Variants in PDS5A observed in about 807,000 individuals in gnomAD.
The protein encoded by PDS5A is PDS5 cohesin associated factor A.
PDS5A carries 42 observed loss-of-function variants against 167.1 expected under a neutral mutation model. The ratio of observed to expected loss-of-function variants is 0.25; its 90% CI spans 0.20 to 0.33. PDS5A has a LOEUF of 0.33. Ranked by LOEUF, PDS5A falls within the 10% of genes least tolerant of loss-of-function variation. The pLI is 1.00. For missense variants in PDS5A, 1,033 were observed against 1,605.9 expected, an observed-to-expected ratio of 0.64 and a Z score of 6.10; for synonymous variants, 553 against 554.6, an observed-to-expected ratio of 1.00 and a Z score of 0.04.
At position 39,831,184 on chromosome 4, in the gene PDS5A, G is replaced by A. The variant is rs118041088; in HGVS notation, c.4011-5696C>T. ...GTTCACTGCAACCTCCGCCTCCCAAGTTCAATTGCCTCCTGGCAATTCTTC... is the reference window on the plus strand; with the variant it reads ...GTTCACTGCAACCTCCGCCTCCCAAATTCAATTGCCTCCTGGCAATTCTTC... On this transcript the variant is annotated intron_variant, in intron 32 of 32. Transcript: ENST00000303538. Among the ~76,000 whole-genome samples, 457 of 152,048 alleles carry A rather than the reference G, an allele frequency of 3.0e-3. 24 individuals are homozygous for A. In the East Asian group the frequency reaches 0.079, roughly 26 times the overall value.
intron 16 of PDS5A, among the ~76,000 whole-genome samples, chr4:39,890,717 AATGAT>A (rs1721885193): frequency 2.0e-5 from 3 of 152,134 alleles, no homozygotes; most frequent in Admixed American, 1.3e-4. Context: ...CCTGGGTTCA[AATGAT>A]TCTCCTGCCT....
rs769424697 is a variant in PDS5A, at chr4:39,837,898, G to C, written c.3968C>G (p.Ala1323Gly). Residue 1323 changes from alanine to glycine, a missense_variant, in exon 32 of 33, where the codon GCC becomes GGC. By Grantham distance (60) the Ala-to-Gly change is moderately conservative (BLOSUM62 0). Coordinates refer to ENST00000303538, the MANE Select transcript of PDS5A (RefSeq NM_001100399.2). ...NAKAPKLQDL[A>G]KKAAPAERQI... Reference sequence around the variant, plus strand: ...TCTTTCTGCTGGTGCTGCCTTTTTGGCTAAATCTTGCAGTTTGGGTGCTTT... The same window carrying C: ...TCTTTCTGCTGGTGCTGCCTTTTTGCCTAAATCTTGCAGTTTGGGTGCTTT... 1 of 1,611,490 alleles carries C rather than the reference G, an allele frequency of 6.2e-7. No individual in the cohort carries two copies. The highest frequency in any genetic ancestry group is 1.1e-5 in the South Asian group (1 of 90,410).
intron 2 of PDS5A, among the ~76,000 whole-genome samples, chr4:39,965,324 C>T (rs1309677569): frequency 2.6e-5 from 4 of 152,160 alleles, no homozygotes; most frequent in Non-Finnish European, 4.4e-5. Flanking sequence ...AGGTATCAAG[C>T]GTTTAAGTAA....
rs1723779057 is a variant in PDS5A at position 39,910,291 on chromosome 4, G to A, written c.1040C>T (p.Ala347Val). Reference sequence around the variant, plus strand: ...TGGGTGATTCATTAAACAATGACTGGCAAATTTCACACTTTCTAATCTCAC... The same window carrying A: ...TGGGTGATTCATTAAACAATGACTGACAAATTTCACACTTTCTAATCTCAC... ...VPVRLESVKF[A>V]SHCLMNHPDL... The change falls in exon 10 of 33, where the codon GCC (alanine) becomes GTC (valine). Residue 347 changes from alanine (A) to valine (V), a missense_variant. Around this residue, in one of 4 missense-constraint regions of PDS5A, gnomAD observed 388 missense variants for 615.1 expected, o/e 0.63. Transcript: ENST00000303538. 1 of 1,589,120 alleles carries A rather than the reference G, an allele frequency of 6.3e-7. No individual in the cohort carries two copies. Among genetic ancestry groups the A allele is most frequent in the Non-Finnish European group, 8.6e-7 (1 of 1,161,674 alleles).
intron 32 of PDS5A, among the ~76,000 whole-genome samples, chr4:39,830,616 G>A (rs1474943650): frequency 6.6e-6 from 1 of 152,022 alleles, no homozygotes; most frequent in African/African-American, 2.4e-5. Context: ...GTAGAGATAG[G>A]GTTTCACCAT....
chr4:39,848,745 TC>T, intron 28 of PDS5A, 105 bp downstream of exon 28: 1 of 997,708 alleles, frequency 1.0e-6, no homozygotes, highest in Non-Finnish European at 1.5e-6. Flanking sequence ...CCAGATTTTT[TC>T]TTTACTCTGT....
intron 26 of PDS5A, among the ~76,000 whole-genome samples, chr4:39,855,067 A>AT (rs1283693758): frequency 2.0e-5 from 3 of 152,176 alleles, no homozygotes; most frequent in Non-Finnish European, 2.9e-5. Context: ...GAAATTTCAG[A>AT]TATCAATTGC....
chr4:39,849,706 G>C, intron 26 of PDS5A, 54 bp from the exon 27 acceptor site: 1 of 1,259,378 alleles, frequency 7.9e-7, no homozygotes, highest in Non-Finnish European at 1.1e-6. Flanking sequence ...TTAGCTTAAA[G>C]CAATAAATAT....
chr4:39,974,946 A>G (rs1730938689), intron 2 of PDS5A, among the ~76,000 whole-genome samples: 1 of 151,940 alleles, frequency 6.6e-6, no homozygotes, highest in East Asian at 1.9e-4. Flanking sequence ...TCCCATCTCT[A>G]CTAAAAATAC....
chr4:39,976,312 C>T, intron 2 of PDS5A, 128 bp downstream of exon 2: 1 of 632,986 alleles, frequency 1.6e-6, no homozygotes, highest in South Asian at 2.5e-5. Flanking sequence ...TGAGATACAA[C>T]AGTACCTTTC....
At chr4:39,951,151 C>A (rs188922452) in intron 2 of PDS5A, among the ~76,000 whole-genome samples, 1 of 152,240 alleles carries the variant, frequency 6.6e-6, no homozygotes, top group African/African-American at 2.4e-5. Context: ...CCTCAATCTC[C>A]CAAAGTGCTA....
chr4:39,882,214 G>C (rs1034821463), intron 17 of PDS5A, among the ~76,000 whole-genome samples: 2 of 152,126 alleles, frequency 1.3e-5, no homozygotes, highest in African/African-American at 4.8e-5. Context: ...AATACTAACT[G>C]TCCTTTCTTG....
In PDS5A at chr4:39,867,765, CA is replaced by C. The variant is rs1560439950; in HGVS notation, c.2506-769del. On this transcript the variant is annotated intron_variant, in intron 22 of 32. Transcript: ENST00000303538. ...ACACACACACACACACACACACACA[CA>C]CACACACACCCCACAACTGTACTGA... is the stretch of plus-strand genomic sequence containing the variant. 6.3e-3 allele frequency among the ~76,000 whole-genome samples: 944 copies of C among 149,826 alleles called. 7 individuals are homozygous for C. Among genetic ancestry groups the C allele is most frequent in the African/African-American group, 0.017 (689 of 40,506 alleles).
At chr4:39,898,033 A>G (rs537857377) in intron 16 of PDS5A, 164 of 977,680 alleles carry the variant, frequency 1.7e-4, no homozygotes, top group Non-Finnish European at 1.9e-4. Context: ...TACTACTACT[A>G]ATTTATTGAC....
At chr4:39,892,225 G>A (rs983492951) in intron 16 of PDS5A, among the ~76,000 whole-genome samples, 5 of 152,180 alleles carry the variant, frequency 3.3e-5, no homozygotes, top group African/African-American at 1.2e-4. Flanking sequence ...GATCGTTTGA[G>A]GTCAGGAGTT....
chr4:39,961,375 T>C (rs777338031), intron 2 of PDS5A, among the ~76,000 whole-genome samples: 4 of 152,150 alleles, frequency 2.6e-5, no homozygotes, highest in Non-Finnish European at 5.9e-5. Context: ...CTCGGCTCAC[T>C]GTCTCAGCCT....
At chr4:39,836,755 G>C (rs1307465230) in intron 32 of PDS5A, among the ~76,000 whole-genome samples, 2 of 144,574 alleles carry the variant, frequency 1.4e-5, no homozygotes, top group Non-Finnish European at 3.0e-5. Context: ...AGAGTCACTG[G>C]GCCCAGCTCA....
At chr4:39,949,828 A>AAAAAAAAAG (rs1470552058) in intron 2 of PDS5A, among the ~76,000 whole-genome samples, 2 of 150,570 alleles carry the variant, frequency 1.3e-5, no homozygotes, top group East Asian at 3.9e-4. Context: ...TCAGAAAAAA[A>AAAAAAAAAG]AAAAAAAGAA....
intron 9 of PDS5A, among the ~76,000 whole-genome samples, chr4:39,912,174 CTT>C (rs1386362782): frequency 6.6e-6 from 1 of 152,144 alleles, no homozygotes; most frequent in African/African-American, 2.4e-5. Context: ...TATCAAAACA[CTT>C]AACGCTATAA....
Sources: gnomAD v4.1 joint callset for allele counts (sites outside exome capture counted in the v4.1 genomes callset) on GRCh38, gnomAD v4.1.1 for gene constraint, gnomAD v4.1.1 regional missense constraint, MANE v1.5 for transcripts, NCBI Gene and HGNC (gene_info 2026-07-23, HGNC 2026-07-21) for gene names.